The following RAD54L2 variants were observed in gnomAD, a reference collection of about 807,000 sequenced individuals.
RAD54L2 encodes the protein helicase ARIP4.
In RAD54L2, 27 loss-of-function variants were observed where a neutral mutation model predicts 138.4. The ratio of observed to expected loss-of-function variants is 0.20; its 90% confidence interval spans 0.14 to 0.27. The LOEUF (loss-of-function observed/expected upper bound fraction) is 0.27, where lower values mean the gene tolerates loss of function less well. Among genes scored for constraint, RAD54L2 ranks in the 10% least tolerant of loss-of-function variants. The pLI is 1.00. For synonymous variants in RAD54L2, 644 were observed against 723.2 expected (o/e 0.89, Z 1.76); for missense variants, 1,396 against 1,890.2 (o/e 0.74, Z 4.85).
At chr3:51,544,126 T>C (rs1249883241) in intron 2 of RAD54L2, among the ~76,000 whole-genome samples, 4 of 152,216 alleles carry the variant, frequency 2.6e-5, no homozygotes, top group Non-Finnish European at 4.4e-5. Flanking sequence ...GGAGCTTGTC[T>C]TGTTTATATC....
chr3:51,582,766 CT>C (rs61245532), intron 2 of RAD54L2, among the ~76,000 whole-genome samples: 9 of 147,180 alleles, frequency 6.1e-5, no homozygotes, highest in African/African-American at 7.6e-5. Context: ...CCAGGGAAGT[CT>C]TTTTTTTTTG....
chr3:51,588,241 G>A (rs1246551362), intron 2 of RAD54L2, among the ~76,000 whole-genome samples: 1 of 136,956 alleles, frequency 7.3e-6, no homozygotes, highest in Non-Finnish European at 1.6e-5. Context: ...TGATTTTAGT[G>A]TGAAAATTTG....
intron 3 of RAD54L2, among the ~76,000 whole-genome samples, chr3:51,604,681 G>A (rs1434511153): frequency 2.6e-5 from 4 of 152,256 alleles, no homozygotes; most frequent in Admixed American, 1.3e-4. Flanking sequence ...ACTAAATAGC[G>A]GAAGAAGGAT....
chr3:51,563,315 T>C (rs1319140726), intron 2 of RAD54L2, among the ~76,000 whole-genome samples: 1 of 152,230 alleles, frequency 6.6e-6, no homozygotes, highest in Non-Finnish European at 1.5e-5. Flanking sequence ...CACCTGGCTG[T>C]ATTAGAACTA....
At chr3:51,661,502 T>C (rs1701773122) in intron 22 of RAD54L2, among the ~76,000 whole-genome samples, 1 of 152,188 alleles carries the variant, frequency 6.6e-6, no homozygotes, top group Non-Finnish European at 1.5e-5. Flanking sequence ...ATCTATAGGA[T>C]ATGTTCCTTA....
Position 51,668,192 on chromosome 3 carries a change from C to A in RAD54L2, c.*4772C>A, listed in dbSNP as rs1367861466. 1 of 152,076 alleles carries A rather than the reference C, an allele frequency of 6.6e-6. No homozygotes were observed. The highest frequency in any genetic ancestry group is 2.4e-5 in the African/African-American group (1 of 41,388). 9.4% of individuals were successfully genotyped at this position (152,076 alleles called of 1,614,324 possible). ...TGGGCTGGGGACTCACCAGAAGAAT[C>A]CCCCCCAGCCTGCCCAAGACAGGTT... On this transcript the variant is annotated 3_prime_UTR_variant, in exon 23 of 23. Transcript: ENST00000684192.
intron 3 of RAD54L2, among the ~76,000 whole-genome samples, chr3:51,593,477 C>T (rs1031529084): frequency 3.9e-5 from 6 of 152,006 alleles, no homozygotes; most frequent in Admixed American, 2.0e-4. Flanking sequence ...GGACTACAGG[C>T]GCCCACCACC....
intron 3 of RAD54L2, 37 bp downstream of exon 3, chr3:51,590,596 T>C (rs1159891801): frequency 3.2e-6 from 5 of 1,552,270 alleles, no homozygotes; most frequent in Non-Finnish European, 4.4e-6. Context: ...AGTTGCCTTA[T>C]ATTTTCCTCC....
chr3:51,589,237 T>C (rs1482061142), intron 2 of RAD54L2, among the ~76,000 whole-genome samples: 1 of 152,110 alleles, frequency 6.6e-6, no homozygotes, highest in Non-Finnish European at 1.5e-5. Flanking sequence ...TCAGAACACT[T>C]AACACTGTCT....
chr3:51,566,430 T>A (rs897697622), intron 2 of RAD54L2, among the ~76,000 whole-genome samples: 1 of 150,854 alleles, frequency 6.6e-6, no homozygotes, highest in African/African-American at 2.4e-5. Flanking sequence ...TTTGTAATCA[T>A]GAATAGGTTC....
intron 3 of RAD54L2, among the ~76,000 whole-genome samples, chr3:51,592,054 G>GTTTTTTTTTTTTTTTTTTTTTTTTTT (rs71084151): frequency 1.5e-5 from 1 of 66,824 alleles, no homozygotes; most frequent in Non-Finnish European, 2.6e-5. Context: ...TGGTTTTGGT[G>GTTTTTTTTTTTTTTTTTTTTTTTTTT]TTTTTTTTTT....
At chr3:51,653,139 C>T (rs1243987870) in intron 19 of RAD54L2, among the ~76,000 whole-genome samples, 2 of 152,172 alleles carry the variant, frequency 1.3e-5, no homozygotes, top group Non-Finnish European at 2.9e-5. Flanking sequence ...AAACACTTTT[C>T]AAAAGAAGAC....
At chr3:51,644,008 T>C (rs1006160029) in intron 16 of RAD54L2, 34 bp downstream of exon 16, 19 of 1,538,708 alleles carry the variant, frequency 1.2e-5, no homozygotes, top group African/African-American at 9.6e-5. Flanking sequence ...GTCAAAGGAA[T>C]CTGTTCAGGC....
In RAD54L2 at chr3:51,648,420, C is replaced by T. The variant is rs192283669; in HGVS notation, c.3026+1939C>T. On this transcript the variant is annotated intron_variant, in intron 19 of 22. Coordinates refer to ENST00000684192, the MANE Select transcript of RAD54L2 (RefSeq NM_015106.4). Reference sequence around the variant, plus strand: ...AACTTCTGCAGACTTAAATGTTCCCCGTCTGACAGCTCTGAAGAGAGCAGT... The same window carrying T: ...AACTTCTGCAGACTTAAATGTTCCCTGTCTGACAGCTCTGAAGAGAGCAGT... Among the ~76,000 whole-genome samples the T allele has an allele frequency of 9.9e-5, 15 of 152,268 alleles. 1 individual carries two copies. Among genetic ancestry groups the T allele is most frequent in the Admixed American group, 2.6e-4 (4 of 15,296 alleles).
intron 3 of RAD54L2, among the ~76,000 whole-genome samples, chr3:51,598,180 T>TAC (rs1700012760): frequency 7.0e-6 from 1 of 143,490 alleles, no homozygotes; most frequent in Non-Finnish European, 1.5e-5. Flanking sequence ...TGTGTGTGTA[T>TAC]ATATATATAT....
chr3:51,599,745 CAA>C (rs34126564), intron 3 of RAD54L2, among the ~76,000 whole-genome samples: 10,496 of 130,168 alleles, frequency 0.081, 852 homozygotes, highest in East Asian at 0.34. Context: ...TATTTTTTAC[CAA>C]AAAAAAAAAA....
At chr3:51,634,358 ATTTTTTTTTTTTTTT>A (rs61565460) in intron 9 of RAD54L2, among the ~76,000 whole-genome samples, 3 of 94,964 alleles carry the variant, frequency 3.2e-5, no homozygotes, top group Middle Eastern at 7.6e-3. Flanking sequence ...CCACTGTCTG[ATTTTTTTTTTTTTTT>A]TTTTTTTTTT....
intron 22 of RAD54L2, among the ~76,000 whole-genome samples, chr3:51,660,842 G>A (rs895000908): frequency 2.0e-5 from 3 of 151,532 alleles, no homozygotes; most frequent in East Asian, 3.9e-4. Flanking sequence ...GGCTGGTCTC[G>A]AACTCCTGAC....
chr3:51,640,052 A>G, intron 14 of RAD54L2, 53 bp downstream of exon 14: 2 of 1,395,892 alleles, frequency 1.4e-6, no homozygotes, highest in Non-Finnish European at 2.0e-6. Context: ...AAGAATGACA[A>G]AACCACCACA....
Sources: allele counts gnomAD v4.1 joint callset (sites outside exome capture counted in the v4.1 genomes callset), GRCh38; gene constraint gnomAD v4.1.1; transcripts MANE v1.5; gene names NCBI Gene and HGNC (gene_info 2026-07-23, HGNC 2026-07-21).